Variants in PSENEN observed in about 807,000 individuals in gnomAD.
The protein encoded by PSENEN is gamma-secretase subunit PEN-2.
PSENEN carries 4 observed loss-of-function variants against 15.4 expected under a neutral mutation model. The ratio of observed to expected loss-of-function variants is 0.26; its 90% CI spans 0.13 to 0.59. PSENEN has a LOEUF of 0.59. Ranked by LOEUF, PSENEN falls within the 20% of genes least tolerant of loss-of-function variation. The probability of loss-of-function intolerance (pLI) is 0.89; values close to 1 mark genes in which losing one functional copy is unlikely to be tolerated. For missense variants in PSENEN, 112 were observed against 120.3 expected (o/e 0.93, Z 0.32); for synonymous variants, 42 against 46.5 (o/e 0.90, Z 0.39).
In PSENEN at chr19:35,745,915, C is replaced by T. The variant is rs747857862; in HGVS notation, c.-16C>T. The T allele has an allele frequency of 1.2e-6, 2 of 1,613,954 alleles. No individual in the cohort carries two copies. Among genetic ancestry groups the T allele is most frequent in the Admixed American group, 1.7e-5 (1 of 60,024 alleles). On this transcript the variant is annotated 5_prime_UTR_variant, in exon 2 of 4. Coordinates refer to ENST00000587708, the MANE Select transcript of PSENEN (RefSeq NM_172341.4). ...TGCCCCGCAGACCCTTGGGACGACC[C>T]GGCCCCAGCGCAGCTATGAACCTGG...
At chr19:35,746,061 TC>T in intron 2 of PSENEN, 70 bp downstream of exon 2, 1 of 1,497,682 alleles carries the variant, frequency 6.7e-7, no homozygotes, top group South Asian at 1.1e-5. Flanking sequence ...GAAGAGGGCC[TC>T]GGGGCCTGGA....
chr19:35,746,672 G>A (rs747472843), intron 3 of PSENEN, 36 bp from the exon 4 acceptor site: 9 of 1,614,016 alleles, frequency 5.6e-6, no homozygotes, highest in Admixed American at 1.7e-5. Flanking sequence ...AGAGCAGCCG[G>A]AGGCCAACCC....
Position 35,746,914 on chromosome 19 carries a change from G to C in PSENEN, c.*67G>C. ...CAGGCTCCTTAAAGCAGAGGAGCCT[G>C]TCCTGGGAGCCCCTTCTCAAACTCC... On this transcript the variant is annotated 3_prime_UTR_variant, in exon 4 of 4. Coordinates refer to ENST00000587708, the MANE Select transcript of PSENEN (RefSeq NM_172341.4). 1 of 1,507,630 alleles carries C rather than the reference G, an allele frequency of 6.6e-7. No individual in the cohort carries two copies. Among genetic ancestry groups the C allele is most frequent in the Non-Finnish European group, 8.9e-7 (1 of 1,119,460 alleles). The allele number at this position is 1,507,630 out of a possible 1,614,324, so 93.4% of individuals were successfully genotyped here. A position where few individuals can be genotyped will look rare whatever the true frequency, so the allele number is the denominator to read the frequency against.
Position 35,745,886 on chromosome 19 carries a change from G to A in PSENEN, c.-45G>A. On this transcript the variant is annotated 5_prime_UTR_variant, in exon 2 of 4. Transcript: ENST00000587708. ...TCTGTTACTTAGGGTCAAGGCTTGGGTCTTGCCCCGCAGACCCTTGGGACG... is the reference window on the plus strand; with the variant it reads ...TCTGTTACTTAGGGTCAAGGCTTGGATCTTGCCCCGCAGACCCTTGGGACG... 8 of 1,596,958 alleles carry A rather than the reference G, an allele frequency of 5.0e-6. No individual in the cohort carries two copies. Among genetic ancestry groups the A allele is most frequent in the Non-Finnish European group, 6.9e-6 (8 of 1,164,582 alleles).
At position 35,747,064 on chromosome 19, in the gene PSENEN, C is replaced by T. The variant is rs1373007347; in HGVS notation, c.*217C>T. 7.6e-6 allele frequency: 4 copies of T among 528,216 alleles called. No homozygotes were observed. The highest frequency in any genetic ancestry group is 5.7e-5 in the African/African-American group (3 of 52,224). The allele number at this position is 528,216 out of a possible 1,614,324, so 32.7% of individuals were successfully genotyped here. A position where few individuals can be genotyped will look rare whatever the true frequency, so the allele number is the denominator to read the frequency against. On this transcript the variant is annotated 3_prime_UTR_variant, in exon 4 of 4. Coordinates refer to ENST00000587708, the MANE Select transcript of PSENEN (RefSeq NM_172341.4). ...ATAAATGATTATTAATATTTAAAAA[C>T]ATCTGTTGAGAGCTTTGTACGAGGC...
chr19:35,746,095 G>A, intron 2 of PSENEN, 104 bp downstream of exon 2: 1 of 1,227,604 alleles, frequency 8.1e-7, no homozygotes, highest in Non-Finnish European at 1.2e-6. Flanking sequence ...AGAGATGAAG[G>A]ACCTGCGAAC....
At position 35,747,093 on chromosome 19, in the gene PSENEN, G is replaced by A. The variant is rs1017957477; in HGVS notation, c.*246G>A. 1 of 446,064 alleles carries A rather than the reference G, an allele frequency of 2.2e-6. No individual in the cohort carries two copies. The highest frequency in any genetic ancestry group is 4.0e-6 in the Non-Finnish European group (1 of 252,688). 27.6% of individuals were successfully genotyped at this position (446,064 alleles called of 1,614,324 possible). On this transcript the variant is annotated 3_prime_UTR_variant, in exon 4 of 4. Transcript: ENST00000587708. ...TGTTGAGAGCTTTGTACGAGGCTTA[G>A]TATTTAGACATGATGTACATTTTTT...
intron 2 of PSENEN, 29 bp from the exon 3 acceptor site, chr19:35,746,390 T>G: frequency 1.3e-6 from 2 of 1,536,272 alleles, no homozygotes; most frequent in Non-Finnish European, 1.8e-6. Flanking sequence ...GGTTTTGGGG[T>G]TTGTTTGTTT....
intron 1 of PSENEN, 36 bp from the exon 2 acceptor site, chr19:35,745,799 C>G (rs200493573): frequency 1.0e-6 from 1 of 962,368 alleles, no homozygotes; most frequent in Non-Finnish European, 1.7e-6. Flanking sequence ...TTTCAGCAAA[C>G]CGACCTTTAC....
At chr19:35,746,337 T>C (rs1970566775) in intron 2 of PSENEN, 82 bp from the exon 3 acceptor site, 1 of 1,206,974 alleles carries the variant, frequency 8.3e-7, no homozygotes, top group South Asian at 1.2e-5. Context: ...TTCTTCCAAA[T>C]AGATCTCGGT....
chr19:35,746,090 T>C, intron 2 of PSENEN, 99 bp downstream of exon 2: 3 of 1,272,048 alleles, frequency 2.4e-6, no homozygotes, highest in Non-Finnish European at 3.4e-6. Context: ...GTCTAAGAGA[T>C]GAAGGACCTG....
In PSENEN at chr19:35,746,978, C is replaced by T; in HGVS notation, c.*131C>T. 4 of 926,306 alleles carry T rather than the reference C, an allele frequency of 4.3e-6. No individual in the cohort carries two copies. The highest frequency in any genetic ancestry group is 1.8e-5 in the South Asian group (1 of 55,460). The allele number at this position is 926,306 out of a possible 1,614,324, so 57.4% of individuals were successfully genotyped here. ...CATGTCCCACGTTCTCTGCTGACAT[C>T]CCCCAATAAAGGACCCTAACTTTCG... On this transcript the variant is annotated 3_prime_UTR_variant, in exon 4 of 4. Transcript: ENST00000587708.
intron 2 of PSENEN, 36 bp from the exon 3 acceptor site, chr19:35,746,383 T>C (rs762907105): frequency 6.6e-6 from 10 of 1,507,812 alleles, no homozygotes; most frequent in Middle Eastern, 1.7e-4. Flanking sequence ...CTTATGAGGT[T>C]TTGGGGTTTG....
Position 35,746,521 on chromosome 19 carries a change from G to C in PSENEN, c.164G>C (p.Gly55Ala). 1 of 1,612,908 alleles carries C rather than the reference G, an allele frequency of 6.2e-7. No individual in the cohort carries two copies. Residue 55 changes from glycine (G) to alanine (A), a missense_variant and splice_region_variant, in exon 3 of 4, where the codon GGC (glycine) becomes GCC (alanine). Transcript: ENST00000587708. ...TACACAGAACAGAGCCAAATCAAAGGCTGTGAGTCTAGAGCACAGAGGAGG... is the reference window on the plus strand; with the variant it reads ...TACACAGAACAGAGCCAAATCAAAGCCTGTGAGTCTAGAGCACAGAGGAGG... ...PAYTEQSQIK[G>A]YVWRSAVGFL... is the part of the protein sequence containing the mutation.
At position 35,746,690 on chromosome 19, in the gene PSENEN, T is replaced by G; in HGVS notation, c.167-18T>G. On this transcript the variant is annotated intron_variant, in intron 3 of 3. Coordinates refer to ENST00000587708, the MANE Select transcript of PSENEN (RefSeq NM_172341.4). ...GCAGCCGGAGGCCAACCCTTCCAGC[T>G]TCTGTTTCCCATGACAGATGTCTGG... is the stretch of plus-strand genomic sequence containing the variant. 6.2e-7 allele frequency: 1 copy of G among 1,614,160 alleles called. No homozygotes were observed. Among genetic ancestry groups the G allele is most frequent in the South Asian group, 1.1e-5 (1 of 91,090 alleles).
Position 35,746,464 on chromosome 19 carries a change from G to T in PSENEN, c.107G>T (p.Trp36Leu), listed in dbSNP as rs765283913. The change falls in exon 3 of 4, where the codon TGG becomes TTG. Residue 36 changes from tryptophan to leucine, a missense_variant. Physicochemically the swap from Trp to Leu is moderately conservative, Grantham distance 61. Coordinates refer to ENST00000587708, the MANE Select transcript of PSENEN (RefSeq NM_172341.4). ...LPFLWLVNIF[W>L]FFREAFLVPA... ...TTTCTCTGGTTGGTCAACATCTTCTGGTTCTTCCGAGAGGCCTTCCTTGTC... is the reference window on the plus strand; with the variant it reads ...TTTCTCTGGTTGGTCAACATCTTCTTGTTCTTCCGAGAGGCCTTCCTTGTC... The T allele has an allele frequency of 6.2e-7, 1 of 1,613,966 alleles. No homozygotes were observed. The highest frequency in any genetic ancestry group is 8.5e-7 in the Non-Finnish European group (1 of 1,180,010).
chr19:35,746,471 C>A lies in PSENEN; in HGVS notation c.114C>A (p.Phe38Leu). The change falls in exon 3 of 4, where the codon TTC (phenylalanine) becomes TTA (leucine). Residue 38 changes from phenylalanine (F) to leucine (L), a missense_variant. Transcript: ENST00000587708. ...GGTTGGTCAACATCTTCTGGTTCTT[C>A]CGAGAGGCCTTCCTTGTCCCAGCCT... ...FLWLVNIFWFFREAFLVPAYT... is the reference protein window; with the variant it reads ...FLWLVNIFWFLREAFLVPAYT... 6.2e-7 allele frequency: 1 copy of A among 1,614,014 alleles called. No homozygotes were observed. Among genetic ancestry groups the A allele is most frequent in the South Asian group, 1.1e-5 (1 of 91,080 alleles).
chr19:35,746,190 AG>A lies in PSENEN; in HGVS notation c.61+204del, dbSNP rs539748060. 1.2e-3 allele frequency among the ~76,000 whole-genome samples: 190 copies of A among 152,208 alleles called. 1 individual carries two copies. Among genetic ancestry groups the A allele is most frequent in the African/African-American group, 4.4e-3 (181 of 41,534 alleles). ...CTCAATTTCTGGATCCCAAGAGAGGAGGGGGATTGAGGGCCTGGACTCTTGG... is the reference window on the plus strand; with the variant it reads ...CTCAATTTCTGGATCCCAAGAGAGGAGGGGATTGAGGGCCTGGACTCTTGG... On this transcript the variant is annotated intron_variant, in intron 2 of 3. Transcript: ENST00000587708.
intron 2 of PSENEN, 60 bp from the exon 3 acceptor site, chr19:35,746,356 GAGA>G: frequency 7.5e-7 from 1 of 1,339,194 alleles, no homozygotes; most frequent in South Asian, 1.2e-5. Context: ...GTGGGAGTTG[GAGA>G]AGATCTTCAT....
Sources: gnomAD v4.1 joint callset for allele counts (sites outside exome capture counted in the v4.1 genomes callset) on GRCh38, gnomAD v4.1.1 for gene constraint, MANE v1.5 for transcripts, NCBI Gene and HGNC (gene_info 2026-07-23, HGNC 2026-07-21) for gene names.